ABCA4: variants seen among roughly 807,000 people sequenced by gnomAD.
ABCA4 encodes retinal-specific phospholipid-transporting ATPase ABCA4.
Under a neutral mutation model 263.7 loss-of-function variants are expected in ABCA4, and 196 were observed. The observed-to-expected ratio is 0.74, with a 90% confidence interval of 0.66 to 0.84. The LOEUF is 0.84. Among genes scored for constraint, ABCA4 ranks in the 40% least tolerant of loss-of-function variants. ABCA4 has a pLI of 0.00. For missense variants in ABCA4, 2,792 were observed against 2,855.1 expected (o/e 0.98, Z 0.50); for synonymous variants, 1,133 against 1,094.2 (o/e 1.04, Z -0.70).
chr1:94,056,949 T>G, intron 14 of ABCA4, 127 bp from the exon 15 acceptor site: 2 of 795,194 alleles, frequency 2.5e-6, no homozygotes, highest in Non-Finnish European at 4.3e-6. Context: ...CTCCATGTGC[T>G]GAGTTCCTTT....
intron 14 of ABCA4, among the ~76,000 whole-genome samples, chr1:94,057,083 T>C (rs1185196536): frequency 1.3e-5 from 2 of 152,178 alleles, no homozygotes; most frequent in Non-Finnish European, 2.9e-5. Flanking sequence ...TCTGTGTTCC[T>C]ACATCAGCAA....
At position 94,029,127 on chromosome 1, in the gene ABCA4, C is replaced by T. The variant is rs544089409; in HGVS notation, c.4539+318G>A. Among the ~76,000 whole-genome samples, 11 of 151,924 alleles carry T rather than the reference C, an allele frequency of 7.2e-5. No homozygotes were observed. The South Asian group carries it at 2.1e-3, about 29-fold the overall frequency. ...AAGCGATGATTTTTTTTCCTTCTGA[C>T]TTACCTGTGTTTTCTAATTTTTCTA... is the stretch of plus-strand genomic sequence containing the variant. On this transcript the variant is annotated intron_variant, in intron 30 of 49. Transcript: ENST00000370225.
At position 93,996,251 on chromosome 1, in the gene ABCA4, A is replaced by ACACC. The variant is rs1327646004; in HGVS notation, c.6730-60_6730-57dup. ...GATATTTCCAGGAAAACAGCACCCT[A>ACACC]CACCCACCTACCCACTTTGCTCTCT... On this transcript the variant is annotated intron_variant, in intron 48 of 49. Coordinates refer to ENST00000370225, the MANE Select transcript of ABCA4 (RefSeq NM_000350.3). 4 of 1,275,098 alleles carry ACACC rather than the reference A, an allele frequency of 3.1e-6. No homozygotes were observed. The Admixed American group carries it at 6.8e-5, about 22-fold the overall frequency. 79.0% of individuals were successfully genotyped at this position (1,275,098 alleles called of 1,614,324 possible). A position where few individuals can be genotyped will look rare whatever the true frequency, so the allele number is the denominator to read the frequency against.
chr1:94,094,770 A>G (rs1662076688), intron 6 of ABCA4, among the ~76,000 whole-genome samples: 1 of 152,014 alleles, frequency 6.6e-6, no homozygotes, highest in Non-Finnish European at 1.5e-5. Flanking sequence ...GAGGGGGAGG[A>G]GGAGGGGAAG....
At chr1:94,032,207 T>C (rs1660227060) in intron 26 of ABCA4, among the ~76,000 whole-genome samples, 164 bp from the exon 27 acceptor site, 1 of 152,220 alleles carries the variant, frequency 6.6e-6, no homozygotes, top group Non-Finnish European at 1.5e-5. Flanking sequence ...CTATTTCTAG[T>C]GTAAATTACT....
intron 6 of ABCA4, among the ~76,000 whole-genome samples, chr1:94,084,395 A>T (rs1164917343): frequency 6.6e-6 from 1 of 152,220 alleles, no homozygotes; most frequent in East Asian, 1.9e-4. Context: ...ATTTGCCAGC[A>T]CAGTTCTCCT....
At chr1:94,043,265 C>T (rs938573791) in intron 21 of ABCA4, 71 bp downstream of exon 21, 173 of 1,608,594 alleles carry the variant, frequency 1.1e-4, no homozygotes, top group Non-Finnish European at 1.4e-4. Context: ...CAAGCCTCCC[C>T]TGCCTCCTGG....
chr1:93,994,880 A>C (rs1658955497), intron 49 of ABCA4, among the ~76,000 whole-genome samples: 1 of 152,232 alleles, frequency 6.6e-6, no homozygotes, highest in African/African-American at 2.4e-5. Flanking sequence ...TTAGTCCTTT[A>C]AGAGGGAACA....
At chr1:94,003,887 C>A (rs1659283258) in intron 44 of ABCA4, among the ~76,000 whole-genome samples, 2 of 152,290 alleles carry the variant, frequency 1.3e-5, no homozygotes, top group South Asian at 4.1e-4. Flanking sequence ...ATCTTCCTAC[C>A]TTGGCCTCCC....
chr1:94,116,968 C>CTCTCTCTT (rs1662786939), intron 1 of ABCA4, among the ~76,000 whole-genome samples: 5 of 99,940 alleles, frequency 5.0e-5, no homozygotes, highest in South Asian at 4.1e-4. Context: ...TTCTTTCTTT[C>CTCTCTCTT]TCTTTCTTTC....
At chr1:94,067,006 T>C (rs1191228) in intron 11 of ABCA4, among the ~76,000 whole-genome samples, 115,845 of 152,162 alleles carry the variant, frequency 0.76, 44,270 homozygotes, top group Non-Finnish European at 0.79. Context: ...GTTCCAAAGA[T>C]AGTACATTCT....
At chr1:94,001,822 G>A (rs1287346694) in intron 45 of ABCA4, 36 bp downstream of exon 45, 1 of 1,614,084 alleles carries the variant, frequency 6.2e-7, no homozygotes, top group Non-Finnish European at 8.5e-7. Context: ...CCAGCACTTG[G>A]TTTAAGCCCT....
chr1:94,120,264 C>A (rs942398751), intron 1 of ABCA4, among the ~76,000 whole-genome samples: 1 of 152,174 alleles, frequency 6.6e-6, no homozygotes, highest in East Asian at 1.9e-4. Flanking sequence ...CCAGGCAGAA[C>A]AGAAGCCAGT....
intron 30 of ABCA4, among the ~76,000 whole-genome samples, chr1:94,026,039 T>C (rs1214004318): frequency 6.6e-6 from 1 of 152,162 alleles, no homozygotes; most frequent in East Asian, 1.9e-4. Flanking sequence ...CAAAGGTGCA[T>C]GGGTTTGTCC....
intron 5 of ABCA4, among the ~76,000 whole-genome samples, chr1:94,101,447 C>T (rs1319671912): frequency 6.6e-6 from 1 of 152,200 alleles, no homozygotes; most frequent in African/African-American, 2.4e-5. Flanking sequence ...CTAGGTTCCC[C>T]TTGTCTAGTT....
rs1660368582 is a variant in ABCA4, at chr1:94,037,355, G to T, written c.3608-5C>A. On this transcript the variant is annotated splice_region_variant and splice_polypyrimidine_tract_variant and intron_variant, in intron 24 of 49. Coordinates refer to ENST00000370225, the MANE Select transcript of ABCA4 (RefSeq NM_000350.3). ...CCATCAGCTCATTTACATCCCCTAG[G>T]ACAAGAAAAAAGACTGATGCCAGCT... is the stretch of plus-strand genomic sequence containing the variant. 6.2e-7 allele frequency: 1 copy of T among 1,613,556 alleles called. No homozygotes were observed. The highest frequency in any genetic ancestry group is 1.3e-5 in the African/African-American group (1 of 74,896).
intron 6 of ABCA4, among the ~76,000 whole-genome samples, chr1:94,094,075 G>A (rs1662050010): frequency 6.6e-6 from 1 of 152,194 alleles, no homozygotes. Flanking sequence ...AAATTGGAAA[G>A]AATGAGGAAG....
intron 11 of ABCA4, among the ~76,000 whole-genome samples, chr1:94,077,410 G>C (rs1661564843): frequency 1.3e-5 from 2 of 152,172 alleles, no homozygotes; most frequent in Admixed American, 6.5e-5. Context: ...GACAGAAGAG[G>C]GTTGAGGACA....
At chr1:94,083,307 G>A in intron 7 of ABCA4, 45 bp downstream of exon 7, 1 of 1,443,050 alleles carries the variant, frequency 6.9e-7, no homozygotes, top group Non-Finnish European at 9.7e-7. Flanking sequence ...GGTAAATGGT[G>A]GAAAGACATA....
Sources: gnomAD v4.1 joint callset for allele counts (sites outside exome capture counted in the v4.1 genomes callset) on GRCh38, gnomAD v4.1.1 for gene constraint, MANE v1.5 for transcripts, NCBI Gene and HGNC (gene_info 2026-07-23, HGNC 2026-07-21) for gene names.